Variants in CAVIN1 observed in about 807,000 individuals in gnomAD.
CAVIN1 encodes caveolae-associated protein 1.
A neutral mutation model predicts 24.0 loss-of-function variants in CAVIN1; 16 were observed. The observed-to-expected ratio is 0.67, with a 90% confidence interval of 0.45 to 1.01. The LOEUF (loss-of-function observed/expected upper bound fraction) is 1.01, where lower values mean the gene tolerates loss of function less well. Among genes scored for constraint, CAVIN1 ranks in the 50% least tolerant of loss-of-function variants. The pLI is 0.00. For synonymous variants in CAVIN1, 256 were observed against 256.4 expected (o/e 1.00, Z 0.02); for missense variants, 510 against 551.7 (o/e 0.92, Z 0.76).
chr17:42,409,433 C>G (rs746084854), intron 1 of CAVIN1, among the ~76,000 whole-genome samples: 1 of 152,126 alleles, frequency 6.6e-6, no homozygotes, highest in African/African-American at 2.4e-5. Context: ...TTAGAAATCT[C>G]TCCAGACCAG....
chr17:42,421,488 C>T (rs756905841), intron 1 of CAVIN1, among the ~76,000 whole-genome samples: 9 of 152,096 alleles, frequency 5.9e-5, no homozygotes, highest in Non-Finnish European at 1.3e-4. Context: ...CACACGATCC[C>T]GCCTCCCTGG....
intron 1 of CAVIN1, among the ~76,000 whole-genome samples, chr17:42,410,328 A>G (rs2085468294): frequency 6.6e-6 from 1 of 152,024 alleles, no homozygotes; most frequent in Non-Finnish European, 1.5e-5. Flanking sequence ...AGAGGAGGGG[A>G]GAGGTGAAGG....
chr17:42,420,509 T>C (rs2085538894), intron 1 of CAVIN1, among the ~76,000 whole-genome samples: 1 of 152,336 alleles, frequency 6.6e-6, no homozygotes, highest in East Asian at 1.9e-4. Context: ...CAGTTCTTAG[T>C]TATTCCCTCT....
At chr17:42,418,540 CA>C (rs1337846242) in intron 1 of CAVIN1, among the ~76,000 whole-genome samples, 5 of 152,096 alleles carry the variant, frequency 3.3e-5, no homozygotes, top group Admixed American at 3.3e-4. Context: ...CCCGTATTTC[CA>C]TTTTATCCCC....
rs139531639 is a variant in CAVIN1, at chr17:42,422,930, G to T, written c.168C>A (p.Ser56Arg). 3.9e-4 allele frequency: 622 copies of T among 1,613,938 alleles called. 2 individuals are homozygous for T. The highest frequency in any genetic ancestry group is 4.9e-4 in the Middle Eastern group (3 of 6,084). The change falls in exon 1 of 2, where the codon AGC becomes AGA. Residue 56 changes from serine to arginine, a missense_variant. Coordinates refer to ENST00000357037, the MANE Select transcript of CAVIN1 (RefSeq NM_012232.6). ...CGGCCCCGATGATTTTGTCCAGGAG[G>T]CTCAGCACCAGCACGCCGTTCACCT... ...SDQVNGVLVL[S>R]LLDKIIGAVD... is the part of the protein sequence containing the mutation.
In CAVIN1 at chr17:42,405,338, CTCTT is replaced by C. The variant is rs1207466199; in HGVS notation, c.518_521del (p.Lys173SerfsTer101). ...CCTCCTTCTCTGGCAGCGCCTCCGACTCTTTCAGCGATTTGCTGATGCTCAGTTT... is the reference window on the plus strand; with the variant it reads ...CCTCCTTCTCTGGCAGCGCCTCCGACTCAGCGATTTGCTGATGCTCAGTTT... On this transcript the variant is annotated frameshift_variant, in exon 2 of 2. Transcript: ENST00000357037. LOFTEE classifies it high-confidence loss of function. 3 of 1,609,662 alleles carry C rather than the reference CTCTT, an allele frequency of 1.9e-6. No individual in the cohort carries two copies. Among genetic ancestry groups the C allele is most frequent in the Admixed American group, 3.3e-5 (2 of 60,024 alleles).
intron 1 of CAVIN1, among the ~76,000 whole-genome samples, chr17:42,413,959 G>A (rs1299620814): frequency 4.6e-5 from 7 of 152,186 alleles, no homozygotes; most frequent in East Asian, 3.9e-4. Flanking sequence ...GTATAGTGGC[G>A]TGATCTTGGC....
chr17:42,415,990 C>T (rs1403540091), intron 1 of CAVIN1, among the ~76,000 whole-genome samples: 3 of 152,158 alleles, frequency 2.0e-5, no homozygotes, highest in African/African-American at 7.2e-5. Flanking sequence ...GCCTGTAACC[C>T]CAGCACTTTG....
chr17:42,408,412 C>T (rs1025780649), intron 1 of CAVIN1, among the ~76,000 whole-genome samples: 1 of 152,152 alleles, frequency 6.6e-6, no homozygotes, highest in African/African-American at 2.4e-5. Flanking sequence ...TAGCCAATGC[C>T]ATCTTCCTAG....
rs914771299 is a variant in CAVIN1 at position 42,404,750 on chromosome 17, G to A, written c.1110C>T (p.His370=). 6.5e-7 allele frequency: 1 copy of A among 1,529,556 alleles called. No individual in the cohort carries two copies. The highest frequency in any genetic ancestry group is 1.4e-5 in the African/African-American group (1 of 71,230). 94.7% of individuals were successfully genotyped at this position (1,529,556 alleles called of 1,614,324 possible). A position where few individuals can be genotyped will look rare whatever the true frequency, so the allele number is the denominator to read the frequency against. ...ACTCCTCGGTGATCTCCAGCAGCGC[G>A]TGCACGTCGGGGCTGCTCCCGCGCC... ...DLRRGSSPDV[H]ALLEITEESD... The change falls in exon 2 of 2, where the codon CAC becomes CAT. Residue 370 remains histidine (H), a synonymous_variant. Coordinates refer to ENST00000357037, the MANE Select transcript of CAVIN1 (RefSeq NM_012232.6).
chr17:42,422,872 C>G lies in CAVIN1; in HGVS notation c.226G>C (p.Glu76Gln), dbSNP rs780022998. ...CCCTCCATCTCCGCCTGCCGCTCCTCCAGCTGTGCTTGAGTCAGCTGGATC... is the reference window on the plus strand; with the variant it reads ...CCCTCCATCTCCGCCTGCCGCTCCTGCAGCTGTGCTTGAGTCAGCTGGATC... ...DQIQLTQAQLEERQAEMEGAV... is the reference protein window; with the variant it reads ...DQIQLTQAQLQERQAEMEGAV... The change falls in exon 1 of 2, where the codon GAG (glutamate) becomes CAG (glutamine). Residue 76 changes from glutamate to glutamine, a missense_variant. Coordinates refer to ENST00000357037, the MANE Select transcript of CAVIN1 (RefSeq NM_012232.6). The G allele has an allele frequency of 1.2e-6, 2 of 1,614,124 alleles. No homozygotes were observed. The highest frequency in any genetic ancestry group is 2.2e-5 in the South Asian group (2 of 91,082).
intron 1 of CAVIN1, chr17:42,412,286 G>A (rs1598575120): frequency 1.0e-6 from 1 of 985,036 alleles, no homozygotes. Flanking sequence ...TGGGGCTTGG[G>A]GTGGGTGCAA....
At chr17:42,419,857 C>T (rs183910329) in intron 1 of CAVIN1, among the ~76,000 whole-genome samples, 616 of 149,638 alleles carry the variant, frequency 4.1e-3, no homozygotes, top group Non-Finnish European at 6.2e-3. Context: ...GGCTGTGATA[C>T]CTTGGGGTGG....
chr17:42,403,563 A>C lies in CAVIN1; in HGVS notation c.*1124T>G, dbSNP rs2085424458. 1 of 152,802 alleles carries C rather than the reference A, an allele frequency of 6.5e-6. No homozygotes were observed. Among genetic ancestry groups the C allele is most frequent in the Non-Finnish European group, 1.5e-5 (1 of 68,120 alleles). 9.5% of individuals were successfully genotyped at this position (152,802 alleles called of 1,614,324 possible). A position where few individuals can be genotyped will look rare whatever the true frequency, so the allele number is the denominator to read the frequency against. On this transcript the variant is annotated 3_prime_UTR_variant, in exon 2 of 2. Transcript: ENST00000357037. ...TGCCCATGGAGAACCACAGTAAGAT[A>C]GATTTCTCATGCAGCTAGTGAGGGG...
chr17:42,412,136 G>C (rs1366256876), intron 1 of CAVIN1: 1 of 985,246 alleles, frequency 1.0e-6, no homozygotes. Context: ...TGGTCAAAAG[G>C]TGGGAGCTCA....
chr17:42,410,418 G>C (rs2145477200), intron 1 of CAVIN1, among the ~76,000 whole-genome samples: 1 of 152,238 alleles, frequency 6.6e-6, no homozygotes, highest in South Asian at 2.1e-4. Context: ...GGGCAGAAGT[G>C]TCCCTCCCTT....
intron 1 of CAVIN1, among the ~76,000 whole-genome samples, chr17:42,410,813 G>A (rs2085470779): frequency 6.9e-6 from 1 of 145,616 alleles, no homozygotes; most frequent in Admixed American, 7.0e-5. Flanking sequence ...TCGGGAGGCT[G>A]AACCAGGGAG....
chr17:42,418,092 T>C (rs984882036), intron 1 of CAVIN1, among the ~76,000 whole-genome samples: 1 of 152,210 alleles, frequency 6.6e-6, no homozygotes, highest in African/African-American at 2.4e-5. Context: ...CTGTATCATA[T>C]AGCCTAGGTG....
chr17:42,406,592 G>T (rs118035786), intron 1 of CAVIN1, among the ~76,000 whole-genome samples: 2,634 of 152,032 alleles, frequency 0.017, 79 homozygotes, highest in African/African-American at 0.053. Flanking sequence ...GGTCAGATTG[G>T]TCTCGAACCC....
Sources: allele counts gnomAD v4.1 joint callset (sites outside exome capture counted in the v4.1 genomes callset), GRCh38; gene constraint gnomAD v4.1.1; transcripts MANE v1.5; gene names NCBI Gene and HGNC (gene_info 2026-07-23, HGNC 2026-07-21).